PTPRM: variants seen among roughly 807,000 people sequenced by gnomAD.
PTPRM encodes the protein protein tyrosine phosphatase receptor type M, also known as receptor-type tyrosine-protein phosphatase mu.
A neutral mutation model predicts 186.7 loss-of-function variants in PTPRM; 47 were observed. The ratio of observed to expected loss-of-function variants is 0.25; its 90% CI spans 0.20 to 0.32. The LOEUF (loss-of-function observed/expected upper bound fraction) is 0.32. Ranked by LOEUF, PTPRM falls within the 10% of genes least tolerant of loss-of-function variation. The pLI is 1.00. For missense variants in PTPRM, 1,494 were observed against 1,865.0 expected (o/e 0.80, Z 3.66); for synonymous variants, 668 against 674.9 (o/e 0.99, Z 0.16).
intron 21 of PTPRM, among the ~76,000 whole-genome samples, chr18:8,317,941 C>T (rs931090983): frequency 2.0e-5 from 3 of 152,084 alleles, no homozygotes; most frequent in African/African-American, 7.2e-5. Flanking sequence ...GAGTGATGGT[C>T]TAAAGAGTTC....
At chr18:7,980,071 C>G (rs79785781) in intron 7 of PTPRM, among the ~76,000 whole-genome samples, 1 of 151,924 alleles carries the variant, frequency 6.6e-6, no homozygotes, top group African/African-American at 2.4e-5. Context: ...TACTCCTCCC[C>G]CTTGGCCGTG....
chr18:8,258,315 A>G (rs988756665), intron 19 of PTPRM, among the ~76,000 whole-genome samples: 4 of 152,164 alleles, frequency 2.6e-5, no homozygotes, highest in African/African-American at 9.6e-5. Flanking sequence ...CGAGGGACAG[A>G]CAGGTCAGAC....
rs766508090 is a variant in PTPRM, at chr18:8,379,190, G to A, written c.3636G>A (p.Thr1212=). The change falls in exon 28 of 33, where the codon ACG becomes ACA. Residue 1212 remains threonine, a synonymous_variant. Coordinates refer to ENST00000580170, the MANE Select transcript of PTPRM (RefSeq NM_001105244.2). ...EFRTLNMVTP[T]LRVEDCSIAL... ...AGACGCTAAACATGGTGACACCAAC[G>A]CTGCGAGTAGAGGACTGCAGCATCG... is the stretch of plus-strand genomic sequence containing the variant. The A allele has an allele frequency of 2.5e-6, 4 of 1,609,512 alleles. No homozygotes were observed. The highest frequency in any genetic ancestry group is 2.7e-5 in the African/African-American group (2 of 74,688).
intron 14 of PTPRM, among the ~76,000 whole-genome samples, chr18:8,206,035 T>A (rs533850667): frequency 1.4e-4 from 22 of 152,224 alleles, no homozygotes; most frequent in African/African-American, 4.1e-4. Flanking sequence ...GTGATTAATT[T>A]AAAATAAGGG....
intron 6 of PTPRM, among the ~76,000 whole-genome samples, chr18:7,954,479 T>A (rs1310653330): frequency 1.3e-5 from 2 of 152,194 alleles, no homozygotes; most frequent in Non-Finnish European, 2.9e-5. Flanking sequence ...GTATTTTTGA[T>A]GAGATAAACT....
At chr18:8,147,971 G>A (rs771238750) in intron 14 of PTPRM, among the ~76,000 whole-genome samples, 1 of 152,196 alleles carries the variant, frequency 6.6e-6, no homozygotes, top group Non-Finnish European at 1.5e-5. Flanking sequence ...TGTTGAACCA[G>A]CCTTGCATCC....
chr18:7,746,691 C>T lies in PTPRM; in HGVS notation c.74-27458C>T, dbSNP rs566892971. On this transcript the variant is annotated intron_variant, in intron 1 of 32. Coordinates refer to ENST00000580170, the MANE Select transcript of PTPRM (RefSeq NM_001105244.2). Reference sequence around the variant, plus strand: ...ATGTTGGCCAGGCTGGTCTTGAACTCCTAGTCTCATGTGATCTTCCTGCCT... The same window carrying T: ...ATGTTGGCCAGGCTGGTCTTGAACTTCTAGTCTCATGTGATCTTCCTGCCT... Among the ~76,000 whole-genome samples the T allele has an allele frequency of 2.6e-5, 4 of 152,176 alleles. No individual in the cohort carries two copies. The East Asian group carries it at 7.7e-4, about 29-fold the overall frequency.
At chr18:8,059,404 G>T (rs1211903991) in intron 7 of PTPRM, among the ~76,000 whole-genome samples, 2 of 66,570 alleles carry the variant, frequency 3.0e-5, no homozygotes, top group Non-Finnish European at 5.7e-5. Context: ...CTGCAAACAG[G>T]GACAATTTGA....
chr18:7,620,850 C>T (rs1049168510), intron 1 of PTPRM, among the ~76,000 whole-genome samples: 3 of 152,040 alleles, frequency 2.0e-5, no homozygotes, highest in African/African-American at 7.3e-5. Context: ...TTGAACCTAT[C>T]AAAAGCCAGT....
At chr18:7,789,345 T>TG (rs1568132603) in intron 2 of PTPRM, among the ~76,000 whole-genome samples, 49 of 148,100 alleles carry the variant, frequency 3.3e-4, no homozygotes, top group African/African-American at 1.3e-3. Context: ...TGATGATGAT[T>TG]ATTATTAATA....
rs1205375440 is a variant in PTPRM, at chr18:7,695,413, ATCAATGGACCACT to A, written c.74-78734_74-78722del. Among the ~76,000 whole-genome samples the A allele has an allele frequency of 3.3e-5, 5 of 152,274 alleles. No individual in the cohort carries two copies. In the East Asian group the frequency reaches 9.7e-4, roughly 29 times the overall value. ...ATTTGTGTTATTGCATCTCATGCTGATCAATGGACCACTTATTGCTTACATGGGTTTGCTGGGG... is the reference window on the plus strand; with the variant it reads ...ATTTGTGTTATTGCATCTCATGCTGATATTGCTTACATGGGTTTGCTGGGG... On this transcript the variant is annotated intron_variant, in intron 1 of 32. Transcript: ENST00000580170.
chr18:8,111,222 T>A (rs970405380), intron 11 of PTPRM, among the ~76,000 whole-genome samples: 1 of 152,250 alleles, frequency 6.6e-6, no homozygotes, highest in Non-Finnish European at 1.5e-5. Flanking sequence ...TTGTCTAGTA[T>A]ATGGATTTCC....
chr18:8,075,105 T>C (rs1381561709), intron 8 of PTPRM, among the ~76,000 whole-genome samples: 2 of 152,192 alleles, frequency 1.3e-5, no homozygotes, highest in African/African-American at 4.8e-5. Flanking sequence ...TTCATTCTTG[T>C]GCATGTGGAT....
intron 1 of PTPRM, among the ~76,000 whole-genome samples, chr18:7,706,613 A>C (rs2040096497): frequency 1.3e-5 from 2 of 148,672 alleles, no homozygotes; most frequent in Non-Finnish European, 1.5e-5. Flanking sequence ...AAAAAAAAAA[A>C]AAAAAAAAAA....
At chr18:8,151,483 C>G (rs905377949) in intron 14 of PTPRM, among the ~76,000 whole-genome samples, 4 of 135,572 alleles carry the variant, frequency 3.0e-5, no homozygotes, top group African/African-American at 1.1e-4. Flanking sequence ...CGCCCCCCCC[C>G]GCCCCCCACC....
intron 1 of PTPRM, among the ~76,000 whole-genome samples, chr18:7,641,611 T>C (rs1385166293): frequency 6.6e-6 from 1 of 152,220 alleles, no homozygotes; most frequent in African/African-American, 2.4e-5. Flanking sequence ...TACTTCTGTC[T>C]CAGATGGATA....
At chr18:7,885,925 AG>A (rs2048760474) in intron 2 of PTPRM, among the ~76,000 whole-genome samples, 1 of 152,160 alleles carries the variant, frequency 6.6e-6, no homozygotes, top group Admixed American at 6.5e-5. Context: ...ATGTGAAAGG[AG>A]GCCCCTCTGA....
chr18:8,224,592 G>C (rs1320315624), intron 14 of PTPRM, among the ~76,000 whole-genome samples: 1 of 152,156 alleles, frequency 6.6e-6, no homozygotes, highest in Admixed American at 6.5e-5. Context: ...GGAAAAAAAT[G>C]AATAAAAGTA....
intron 1 of PTPRM, among the ~76,000 whole-genome samples, chr18:7,655,392 C>T (rs1338491100): frequency 1.3e-5 from 2 of 152,130 alleles, no homozygotes; most frequent in East Asian, 3.9e-4. Flanking sequence ...AAATCTAAAA[C>T]ACTTACAATG....
Sources: allele counts gnomAD v4.1 joint callset (sites outside exome capture counted in the v4.1 genomes callset), GRCh38; gene constraint gnomAD v4.1.1; transcripts MANE v1.5; gene names NCBI Gene and HGNC (gene_info 2026-07-23, HGNC 2026-07-21).